The following SLC5A12 variants were observed in gnomAD, a reference collection of about 807,000 sequenced individuals.
The protein encoded by SLC5A12 is solute carrier family 5 member 12.
A neutral mutation model predicts 72.7 loss-of-function variants in SLC5A12; 46 were observed. That is an observed-to-expected ratio of 0.63 (90% CI 0.50 to 0.81). The LOEUF (loss-of-function observed/expected upper bound fraction) is 0.81. SLC5A12 is among the 30% of genes least tolerant of loss of function. The pLI, the probability that SLC5A12 is intolerant of heterozygous loss-of-function variation, is 0.00. For missense variants in SLC5A12, 683 were observed against 740.7 expected, an observed-to-expected ratio of 0.92 and a Z score of 0.90; for synonymous variants, 275 against 264.4, an observed-to-expected ratio of 1.04 and a Z score of -0.39.
At chr11:26,674,776 A>G (rs1188766570) in intron 13 of SLC5A12, among the ~76,000 whole-genome samples, 1 of 152,186 alleles carries the variant, frequency 6.6e-6, no homozygotes, top group Non-Finnish European at 1.5e-5. Flanking sequence ...CACTATGTCA[A>G]AAGACATTTG....
intron 10 of SLC5A12, among the ~76,000 whole-genome samples, chr11:26,685,407 G>T (rs1281467395): frequency 6.6e-6 from 1 of 152,194 alleles, no homozygotes; most frequent in East Asian, 1.9e-4. Context: ...ATCTCTTGAG[G>T]TCAGAAGTTC....
At chr11:26,722,797 A>G (rs140061684), upstream of SLC5A12, among the ~76,000 whole-genome samples, 8 of 151,062 alleles carry the variant, frequency 5.3e-5, no homozygotes, top group East Asian at 1.6e-3. Flanking sequence ...GCAATTTCTA[A>G]TTTTGTTCAT....
intron 3 of SLC5A12, 83 bp from the exon 4 acceptor site, chr11:26,709,462 T>C: frequency 2.0e-6 from 2 of 1,020,718 alleles, no homozygotes; most frequent in Non-Finnish European, 2.9e-6. Context: ...AGACACAATA[T>C]TTTTATCAGT....
intron 1 of SLC5A12, chr11:26,716,235 C>T (rs954392235): frequency 1.3e-5 from 2 of 152,094 alleles, no homozygotes; most frequent in African/African-American, 2.4e-5. Flanking sequence ...AGTAAAATTA[C>T]AAAGACAGTA....
At chr11:26,721,320 C>A in intron 1 of SLC5A12, 56 bp downstream of exon 1, 1 of 1,266,926 alleles carries the variant, frequency 7.9e-7, no homozygotes, top group South Asian at 1.5e-5. Context: ...CTACCAGGTG[C>A]TATCATCAAG....
At position 26,669,203 on chromosome 11, in the gene SLC5A12, C is replaced by CTTTCTTTCTT. The variant is rs1854078750; in HGVS notation, c.*1889_*1898dup. ...TCTTTCTTCTTTTCTTTCTTTCTTT[C>CTTTCTTTCTT]TTTCTTTCTTTCTTTCTCTCTCTCC... On this transcript the variant is annotated 3_prime_UTR_variant, in exon 15 of 15. Transcript: ENST00000396005. 1.1e-4 allele frequency: 14 copies of CTTTCTTTCTT among 126,008 alleles called. No homozygotes were observed. The highest frequency in any genetic ancestry group is 2.4e-4 in the Admixed American group (3 of 12,670). The allele number at this position is 126,008 out of a possible 1,614,324, so 7.8% of individuals were successfully genotyped here.
At position 26,669,207 on chromosome 11, in the gene SLC5A12, C is replaced by CTTTCTTTCTTTCTTTCTTTCT. The variant is rs1854079921; in HGVS notation, c.*1894_*1895insAGAAAGAAAGAAAGAAAGAAA. 1 of 119,436 alleles carries CTTTCTTTCTTTCTTTCTTTCT rather than the reference C, an allele frequency of 8.4e-6. No homozygotes were observed. The highest frequency in any genetic ancestry group is 8.4e-5 in the Admixed American group (1 of 11,888). The allele number at this position is 119,436 out of a possible 1,614,324, so 7.4% of individuals were successfully genotyped here. On this transcript the variant is annotated 3_prime_UTR_variant, in exon 15 of 15. Coordinates refer to ENST00000396005, the MANE Select transcript of SLC5A12 (RefSeq NM_178498.4). ...TCTTCTTTTCTTTCTTTCTTTCTTT[C>CTTTCTTTCTTTCTTTCTTTCT]TTTCTTTCTTTCTCTCTCTCCCTCC...
intron 9 of SLC5A12, among the ~76,000 whole-genome samples, chr11:26,689,330 GGAGGTGGCAGTGAGTCGA>G (rs1220679047): frequency 6.6e-6 from 1 of 152,092 alleles, no homozygotes; most frequent in Non-Finnish European, 1.5e-5. Flanking sequence ...CCCGGGAGGC[GGAGGTGGCAGTGAGTCGA>G]GATATCGCAC....
At chr11:26,681,472 A>G (rs1854410989) in intron 11 of SLC5A12, among the ~76,000 whole-genome samples, 1 of 152,194 alleles carries the variant, frequency 6.6e-6, no homozygotes, top group African/African-American at 2.4e-5. Context: ...GATTTCTAGC[A>G]ATAATTATTT....
At chr11:26,674,891 A>G (rs1854231008) in intron 13 of SLC5A12, among the ~76,000 whole-genome samples, 1 of 152,208 alleles carries the variant, frequency 6.6e-6, no homozygotes, top group South Asian at 2.1e-4. Context: ...CCCTATAAAT[A>G]GGTAAGTATT....
At chr11:26,672,822 T>TA (rs535991576) in intron 14 of SLC5A12, among the ~76,000 whole-genome samples, 2 of 152,140 alleles carry the variant, frequency 1.3e-5, no homozygotes, top group Non-Finnish European at 2.9e-5. Context: ...GCTAGGGAGT[T>TA]AGAGAGTTAG....
intron 4 of SLC5A12, among the ~76,000 whole-genome samples, chr11:26,708,307 G>C (rs1031221227): frequency 6.6e-6 from 1 of 151,918 alleles, no homozygotes; most frequent in Non-Finnish European, 1.5e-5. Flanking sequence ...AGAGGTAAGA[G>C]GAGCAAGAGT....
Position 26,684,028 on chromosome 11 carries a change from A to ATGTGTGTGTG in SLC5A12, c.1222-195_1222-186dup, listed in dbSNP as rs145705590. Among the ~76,000 whole-genome samples the ATGTGTGTGTG allele has an allele frequency of 2.0e-5, 3 of 148,050 alleles. No homozygotes were observed. In the South Asian group the frequency reaches 6.5e-4, roughly 32 times the overall value. ...TGAATGATAAGCACTGTATTTATGTATGTGTGTGTGTGTGTGTGTGTGTGT... is the reference window on the plus strand; with the variant it reads ...TGAATGATAAGCACTGTATTTATGTATGTGTGTGTGTGTGTGTGTGTGTGTGTGTGTGTGT... On this transcript the variant is annotated intron_variant, in intron 10 of 14. Coordinates refer to ENST00000396005, the MANE Select transcript of SLC5A12 (RefSeq NM_178498.4).
At chr11:26,703,734 G>C in intron 5 of SLC5A12, 59 bp downstream of exon 5, 1 of 1,612,650 alleles carries the variant, frequency 6.2e-7, no homozygotes, top group East Asian at 2.2e-5. Flanking sequence ...TATTATTTTA[G>C]GTGATAAGGT....
chr11:26,672,453 C>T (rs1239114757), intron 14 of SLC5A12, among the ~76,000 whole-genome samples: 1 of 152,170 alleles, frequency 6.6e-6, no homozygotes, highest in Admixed American at 6.6e-5. Flanking sequence ...AGGTCAGCTG[C>T]TGCCAAGGTC....
rs779476784 is a variant in SLC5A12 at position 26,712,642 on chromosome 11, GT to G, written c.403del (p.Thr135ArgfsTer19). 1 of 1,547,196 alleles carries G rather than the reference GT, an allele frequency of 6.5e-7. No individual in the cohort carries two copies. Among genetic ancestry groups the G allele is most frequent in the Non-Finnish European group, 8.8e-7 (1 of 1,133,152 alleles). ...YAATVIYIVQ[T>X]ILYTGVVVYA... ...TCTGCAGCAGCCATGACCACTTACC[GT>G]CTGTACAATGTAGATGACCGTGGCA... is the stretch of plus-strand genomic sequence containing the variant. On this transcript the variant is annotated frameshift_variant and splice_region_variant, in exon 2 of 15. Transcript: ENST00000396005. LOFTEE classifies it high-confidence loss of function.
At chr11:26,720,354 TAAATAAATAC>T (rs1855450968) in intron 1 of SLC5A12, among the ~76,000 whole-genome samples, 1 of 151,600 alleles carries the variant, frequency 6.6e-6, no homozygotes, top group African/African-American at 2.4e-5. Flanking sequence ...AATAAATAAG[TAAATAAATAC>T]ATGGAAAAAA....
chr11:26,699,522 T>C (rs1369531611), intron 6 of SLC5A12, among the ~76,000 whole-genome samples: 2 of 152,194 alleles, frequency 1.3e-5, no homozygotes, highest in African/African-American at 4.8e-5. Context: ...AGAAGAAGTT[T>C]TTATCTCAAA....
intron 10 of SLC5A12, 21 bp downstream of exon 10, chr11:26,686,456 G>A: frequency 6.2e-7 from 1 of 1,612,468 alleles, no homozygotes; most frequent in Non-Finnish European, 8.5e-7. Flanking sequence ...AACCAAATGT[G>A]TCTTTTCCTT....
Sources: allele counts gnomAD v4.1 joint callset (sites outside exome capture counted in the v4.1 genomes callset), GRCh38; gene constraint gnomAD v4.1.1; transcripts MANE v1.5; gene names NCBI Gene and HGNC (gene_info 2026-07-23, HGNC 2026-07-21).